PDE5A: variants seen among roughly 807,000 people sequenced by gnomAD.
PDE5A encodes phosphodiesterase 5A.
A neutral mutation model predicts 110.2 loss-of-function variants in PDE5A; 67 were observed. That is an observed-to-expected ratio of 0.61 (90% confidence interval 0.50 to 0.75). The LOEUF (loss-of-function observed/expected upper bound fraction) is 0.75, where lower values mean the gene tolerates loss of function less well. PDE5A is among the 30% of genes least tolerant of loss of function. The pLI is 0.00. For missense variants in PDE5A, 862 were observed against 1,045.1 expected (o/e 0.82, Z 2.42); for synonymous variants, 328 against 351.2 (o/e 0.93, Z 0.74).
chr4:119,605,020 T>C (rs1002227283), intron 2 of PDE5A, among the ~76,000 whole-genome samples: 10 of 152,138 alleles, frequency 6.6e-5, no homozygotes, highest in African/African-American at 2.4e-4. Context: ...CTTGTAGCAT[T>C]TTCCCCTCTA....
intron 3 of PDE5A, among the ~76,000 whole-genome samples, chr4:119,571,126 G>A (rs1170959869): frequency 1.3e-5 from 2 of 152,146 alleles, no homozygotes; most frequent in African/African-American, 4.8e-5. Flanking sequence ...CTTTACAGAT[G>A]AGAAAACTGA....
intron 10 of PDE5A, among the ~76,000 whole-genome samples, chr4:119,541,558 A>C (rs1267082533): frequency 1.3e-5 from 2 of 152,106 alleles, no homozygotes; most frequent in Non-Finnish European, 2.9e-5. Flanking sequence ...AGTAAAGGGT[A>C]CCATCTGGTA....
chr4:119,593,121 C>T (rs929331853), intron 3 of PDE5A, among the ~76,000 whole-genome samples: 4 of 152,150 alleles, frequency 2.6e-5, no homozygotes, highest in African/African-American at 9.7e-5. Flanking sequence ...TCATACACTG[C>T]TGATAAGAAT....
intron 1 of PDE5A, among the ~76,000 whole-genome samples, chr4:119,611,270 C>T (rs1729733598): frequency 6.6e-6 from 1 of 152,186 alleles, no homozygotes; most frequent in African/African-American, 2.4e-5. Context: ...CATCTATCCC[C>T]TCTGACTAGA....
intron 3 of PDE5A, among the ~76,000 whole-genome samples, chr4:119,588,862 T>C (rs1368559428): frequency 6.6e-6 from 1 of 152,222 alleles, no homozygotes; most frequent in Non-Finnish European, 1.5e-5. Context: ...AATGATCTTT[T>C]ACCACGTTGT....
intron 11 of PDE5A, among the ~76,000 whole-genome samples, chr4:119,537,364 A>G (rs1382719632): frequency 2.0e-5 from 3 of 152,034 alleles, no homozygotes; most frequent in Admixed American, 6.6e-5. Context: ...TGCGTTCTCA[A>G]TAATCACTTA....
chr4:119,516,389 G>T (rs1725908614), intron 14 of PDE5A, among the ~76,000 whole-genome samples: 1 of 152,118 alleles, frequency 6.6e-6, no homozygotes, highest in Admixed American at 6.5e-5. Context: ...TTATCTATCT[G>T]CCTAGAATAT....
intron 1 of PDE5A, among the ~76,000 whole-genome samples, chr4:119,619,503 C>T (rs1430562672): frequency 6.6e-6 from 1 of 152,128 alleles, no homozygotes; most frequent in Non-Finnish European, 1.5e-5. Flanking sequence ...GTCTGGGCTC[C>T]CATTCCAGTT....
chr4:119,553,284 A>G (rs1357015535), intron 8 of PDE5A, among the ~76,000 whole-genome samples: 1 of 152,150 alleles, frequency 6.6e-6, no homozygotes, highest in South Asian at 2.1e-4. Flanking sequence ...TACCAATTGC[A>G]TCAGTTCAAG....
At chr4:119,592,490 T>C (rs1412712260) in intron 3 of PDE5A, among the ~76,000 whole-genome samples, 1 of 95,592 alleles carries the variant, frequency 1.0e-5, no homozygotes, top group Non-Finnish European at 2.3e-5. Flanking sequence ...AAAAAAAAGC[T>C]GTGTTCTGGA....
intron 3 of PDE5A, among the ~76,000 whole-genome samples, chr4:119,581,687 GTTAATA>G (rs1728594878): frequency 6.6e-6 from 1 of 152,200 alleles, no homozygotes; most frequent in African/African-American, 2.4e-5. Context: ...AGCTGTGCCA[GTTAATA>G]TACAATGAAG....
intron 14 of PDE5A, among the ~76,000 whole-genome samples, chr4:119,513,557 G>T: frequency 6.6e-6 from 1 of 152,122 alleles, no homozygotes; most frequent in East Asian, 1.9e-4. Context: ...GGTAACCTCA[G>T]CTGAGACCTC....
chr4:119,599,236 G>A (rs186174057), intron 2 of PDE5A, among the ~76,000 whole-genome samples: 11 of 152,076 alleles, frequency 7.2e-5, no homozygotes, highest in African/African-American at 2.7e-4. Context: ...AAAGGAAGAG[G>A]ATATAATCCA....
At chr4:119,611,446 GGT>G (rs1729739406) in intron 1 of PDE5A, among the ~76,000 whole-genome samples, 1 of 151,390 alleles carries the variant, frequency 6.6e-6, no homozygotes, top group East Asian at 1.9e-4. Context: ...TCTAAATGCT[GGT>G]GTGTTTATTA....
At chr4:119,509,062 A>C (rs780331174) in intron 15 of PDE5A, among the ~76,000 whole-genome samples, 3 of 152,070 alleles carry the variant, frequency 2.0e-5, no homozygotes, top group Admixed American at 2.0e-4. Context: ...AAACACACAG[A>C]TAGCAAAAGT....
intron 1 of PDE5A, among the ~76,000 whole-genome samples, chr4:119,608,276 T>C (rs1319379935): frequency 6.6e-6 from 1 of 152,250 alleles, no homozygotes; most frequent in Non-Finnish European, 1.5e-5. Flanking sequence ...AAGGCATTTA[T>C]GTTTTTAATG....
intron 3 of PDE5A, among the ~76,000 whole-genome samples, chr4:119,584,635 T>C (rs1262902655): frequency 2.6e-5 from 4 of 152,212 alleles, no homozygotes; most frequent in Non-Finnish European, 4.4e-5. Context: ...CTTACTGCTG[T>C]AGCCACCCAG....
intron 3 of PDE5A, among the ~76,000 whole-genome samples, chr4:119,589,685 T>A (rs72678532): frequency 0.036 from 5,416 of 152,254 alleles, 155 homozygotes; most frequent in Non-Finnish European, 0.056. Context: ...CAGATTAGTA[T>A]GAAACATGCT....
chr4:119,520,541 G>T (rs1726088063), intron 13 of PDE5A, among the ~76,000 whole-genome samples: 1 of 152,098 alleles, frequency 6.6e-6, no homozygotes, highest in Non-Finnish European at 1.5e-5. Flanking sequence ...AATGAAGCAA[G>T]TTCAGGAACT....
Sources: allele counts gnomAD v4.1 joint callset (sites outside exome capture counted in the v4.1 genomes callset), GRCh38; gene constraint gnomAD v4.1.1; transcripts MANE v1.5; gene names NCBI Gene and HGNC (gene_info 2026-07-23, HGNC 2026-07-21).